Variants in CD200R1 observed in about 807,000 individuals in gnomAD.
CD200R1 encodes CD200 receptor 1.
CD200R1 carries 30 observed loss-of-function variants against 38.1 expected under a neutral mutation model. That is an observed-to-expected ratio of 0.79 (90% CI 0.59 to 1.07). The LOEUF is 1.07. Ranked by LOEUF, CD200R1 falls within the 50% of genes least tolerant of loss-of-function variation. CD200R1 has a pLI of 0.00. For missense variants in CD200R1, 372 were observed against 415.4 expected (o/e 0.90, Z 0.91); for synonymous variants, 128 against 152.1 (o/e 0.84, Z 1.16).
intron 3 of CD200R1, among the ~76,000 whole-genome samples, chr3:112,930,677 G>A (rs548282481): frequency 6.6e-6 from 1 of 152,300 alleles, no homozygotes; most frequent in African/African-American, 2.4e-5. Flanking sequence ...AGCTATAGAG[G>A]GGCAAACCTT....
chr3:112,963,964 A>G (rs929205312), intron 1 of CD200R1, among the ~76,000 whole-genome samples: 2 of 152,184 alleles, frequency 1.3e-5, no homozygotes, highest in African/African-American at 4.8e-5. Context: ...TGCTCCAGCC[A>G]TGGCTGAAAG....
At chr3:112,928,293 T>C (rs1056924227) in intron 5 of CD200R1, among the ~76,000 whole-genome samples, 9 of 152,184 alleles carry the variant, frequency 5.9e-5, no homozygotes, top group Admixed American at 2.0e-4. Flanking sequence ...TGTTTGTTGA[T>C]ATTTAATAGT....
intron 1 of CD200R1, among the ~76,000 whole-genome samples, chr3:112,956,177 T>A (rs1329366686): frequency 6.6e-6 from 1 of 152,140 alleles, no homozygotes; most frequent in African/African-American, 2.4e-5. Context: ...GTCTCACAAA[T>A]CCTGTGAGCC....
In CD200R1 at chr3:112,922,373, A is replaced by G. The variant is rs1940186987; in HGVS notation, c.*1304T>C. The G allele has an allele frequency of 6.6e-6, 1 of 151,950 alleles. No homozygotes were observed. Among genetic ancestry groups the G allele is most frequent in the Non-Finnish European group, 1.5e-5 (1 of 67,918 alleles). The allele number at this position is 151,950 out of a possible 1,614,324, so 9.4% of individuals were successfully genotyped here. ...AATGATTTACATAAACATTGCCAAT[A>G]TTTTGCTCCACAAAAATATGGAGGG... On this transcript the variant is annotated 3_prime_UTR_variant, in exon 8 of 8. Transcript: ENST00000308611.
chr3:112,952,648 A>T (rs972327344), intron 1 of CD200R1, among the ~76,000 whole-genome samples: 12 of 150,866 alleles, frequency 8.0e-5, no homozygotes, highest in Middle Eastern at 3.4e-3. Context: ...GGGTGGGAGG[A>T]GGGGGGAGGG....
chr3:112,963,452 G>C (rs909846007), intron 1 of CD200R1, among the ~76,000 whole-genome samples: 1 of 152,186 alleles, frequency 6.6e-6, no homozygotes, highest in Non-Finnish European at 1.5e-5. Context: ...TCTCAGATGG[G>C]GATGAGGATC....
intron 1 of CD200R1, among the ~76,000 whole-genome samples, chr3:112,965,611 A>G (rs1933139174): frequency 6.6e-6 from 1 of 152,094 alleles, no homozygotes; most frequent in South Asian, 2.1e-4. Context: ...AAATACAAAA[A>G]TTAGCTGGGC....
chr3:112,941,777 A>G (rs1052934517), intron 2 of CD200R1, among the ~76,000 whole-genome samples: 1 of 151,676 alleles, frequency 6.6e-6, no homozygotes, highest in Non-Finnish European at 1.5e-5. Flanking sequence ...CTACACCTAG[A>G]TGTATTATTT....
chr3:112,928,708 G>T, intron 5 of CD200R1, 108 bp downstream of exon 5: 1 of 793,448 alleles, frequency 1.3e-6, no homozygotes. Context: ...TAAAAATGAA[G>T]AGTGGGGAGA....
chr3:112,927,741 G>GA (rs141996363), intron 5 of CD200R1, among the ~76,000 whole-genome samples: 2 of 152,138 alleles, frequency 1.3e-5, no homozygotes, highest in Non-Finnish European at 2.9e-5. Flanking sequence ...ATGACTTTGA[G>GA]AAAAAATAGA....
chr3:112,930,832 A>G (rs913355770), intron 3 of CD200R1, among the ~76,000 whole-genome samples: 2 of 152,238 alleles, frequency 1.3e-5, no homozygotes, highest in African/African-American at 4.8e-5. Flanking sequence ...ATGAAGAAAG[A>G]GGTAATACTT....
chr3:112,969,789 C>T (rs1933256384), intron 1 of CD200R1, among the ~76,000 whole-genome samples: 1 of 152,184 alleles, frequency 6.6e-6, no homozygotes, highest in South Asian at 2.1e-4. Context: ...ACACAAAACT[C>T]TATCTCAGAG....
chr3:112,926,823 A>G (rs1310083665), intron 5 of CD200R1, among the ~76,000 whole-genome samples: 3 of 151,794 alleles, frequency 2.0e-5, no homozygotes, highest in Non-Finnish European at 2.9e-5. Context: ...GATGAAGACA[A>G]GAACAGATGA....
At chr3:112,951,073 A>C (rs370348701) in intron 1 of CD200R1, among the ~76,000 whole-genome samples, 1 of 152,244 alleles carries the variant, frequency 6.6e-6, no homozygotes, top group East Asian at 1.9e-4. Context: ...AATTAAGGAA[A>C]TCAAAAGCTA....
At chr3:112,944,035 T>C (rs1940787137) in intron 2 of CD200R1, among the ~76,000 whole-genome samples, 1 of 151,932 alleles carries the variant, frequency 6.6e-6, no homozygotes, top group Non-Finnish European at 1.5e-5. Flanking sequence ...GAGGCCTAGA[T>C]GGGTTCACTG....
intron 1 of CD200R1, among the ~76,000 whole-genome samples, chr3:112,974,431 G>A (rs911547544): frequency 1.3e-5 from 2 of 152,018 alleles, no homozygotes; most frequent in Non-Finnish European, 2.9e-5. Flanking sequence ...GCAAGACCCT[G>A]TCTCAAAAAA....
At chr3:112,964,853 C>A (rs920959927) in intron 1 of CD200R1, among the ~76,000 whole-genome samples, 1 of 152,008 alleles carries the variant, frequency 6.6e-6, no homozygotes, top group Non-Finnish European at 1.5e-5. Context: ...TAAATTCCCA[C>A]GTGTTGTGGG....
intron 2 of CD200R1, among the ~76,000 whole-genome samples, chr3:112,933,595 T>C (rs188426158): frequency 6.6e-5 from 10 of 152,292 alleles, no homozygotes; most frequent in Admixed American, 3.3e-4. Flanking sequence ...GAAAATATGA[T>C]AGACCCCCCA....
intron 2 of CD200R1, among the ~76,000 whole-genome samples, chr3:112,937,720 C>T (rs1041791258): frequency 6.6e-6 from 1 of 152,062 alleles, no homozygotes; most frequent in Non-Finnish European, 1.5e-5. Context: ...TTTTCTAATT[C>T]TGTGAACAAT....
Sources: gnomAD v4.1 joint callset for allele counts (sites outside exome capture counted in the v4.1 genomes callset) on GRCh38, gnomAD v4.1.1 for gene constraint, MANE v1.5 for transcripts, NCBI Gene and HGNC (gene_info 2026-07-23, HGNC 2026-07-21) for gene names.